The following RPS6KC1 variants were observed in gnomAD, a reference collection of about 807,000 sequenced individuals.
RPS6KC1 encodes the protein ribosomal protein S6 kinase C1.
A neutral mutation model predicts 103.8 loss-of-function variants in RPS6KC1; 54 were observed. The observed-to-expected ratio is 0.52, with a 90% CI of 0.42 to 0.65. The LOEUF is 0.65. RPS6KC1 is among the 30% of genes least tolerant of loss of function. The pLI is 0.00. For missense variants in RPS6KC1, 1,151 were observed against 1,253.8 expected (o/e 0.92, Z 1.24); for synonymous variants, 439 against 438.7 (o/e 1.00, Z -0.01).
the RPS6KC1 span, among the ~76,000 whole-genome samples, chr1:213,335,977 C>G: frequency 6.6e-6 from 1 of 152,104 alleles, no homozygotes; most frequent in Admixed American, 6.5e-5. Flanking sequence ...TTTTAGGAGA[C>G]TCCAATATGT....
the RPS6KC1 span, among the ~76,000 whole-genome samples, chr1:213,367,487 A>G: frequency 6.6e-6 from 1 of 152,210 alleles, no homozygotes; most frequent in Non-Finnish European, 1.5e-5. Context: ...GGTGATTGTG[A>G]CGTGAAATCA....
At chr1:213,244,303 G>A (rs148300460) in intron 12 of RPS6KC1, among the ~76,000 whole-genome samples, 60 of 152,078 alleles carry the variant, frequency 3.9e-4, no homozygotes, top group African/African-American at 1.3e-3. Context: ...GAATTTGGAA[G>A]TTTTAGAATC....
the RPS6KC1 span, among the ~76,000 whole-genome samples, chr1:213,286,758 T>A: frequency 1.3e-5 from 2 of 152,224 alleles, no homozygotes; most frequent in Non-Finnish European, 2.9e-5. Flanking sequence ...CATCAGTGGT[T>A]GGTAAGATCA....
chr1:213,647,029 C>A, the RPS6KC1 span, among the ~76,000 whole-genome samples: 2 of 152,174 alleles, frequency 1.3e-5, no homozygotes, highest in Non-Finnish European at 2.9e-5. Context: ...TCCCGAGTAG[C>A]TGGGATTACA....
chr1:213,413,769 G>A, the RPS6KC1 span, among the ~76,000 whole-genome samples: 1 of 152,170 alleles, frequency 6.6e-6, no homozygotes, highest in African/African-American at 2.4e-5. Context: ...ACACAGGTCA[G>A]CTCTATCAGT....
intron 8 of RPS6KC1, among the ~76,000 whole-genome samples, chr1:213,189,229 A>C (rs1195531388): frequency 6.6e-6 from 1 of 152,108 alleles, no homozygotes; most frequent in Non-Finnish European, 1.5e-5. Flanking sequence ...TGGGTGGATC[A>C]CTTGAGGTCA....
At chr1:213,670,999 G>A in the RPS6KC1 span, among the ~76,000 whole-genome samples, 2 of 152,168 alleles carry the variant, frequency 1.3e-5, no homozygotes, top group African/African-American at 4.8e-5. Flanking sequence ...TGGGGGATTT[G>A]CTCTGTGATC....
intron 8 of RPS6KC1, 109 bp from the exon 9 acceptor site, chr1:213,230,388 G>A (rs1299814185): frequency 9.2e-6 from 6 of 655,724 alleles, no homozygotes; most frequent in Admixed American, 3.3e-5. Context: ...AACAATTTTG[G>A]GGAGGGGATT....
the RPS6KC1 span, among the ~76,000 whole-genome samples, chr1:213,453,328 A>G: frequency 6.6e-6 from 1 of 152,162 alleles, no homozygotes; most frequent in Non-Finnish European, 1.5e-5. Flanking sequence ...AAAGATAATC[A>G]TGCCCACAGA....
intron 8 of RPS6KC1, among the ~76,000 whole-genome samples, chr1:213,229,532 T>C (rs1241801778): frequency 6.6e-6 from 1 of 152,238 alleles, no homozygotes; most frequent in Non-Finnish European, 1.5e-5. Flanking sequence ...TAACAGAGAC[T>C]GCATAGGCCT....
At chr1:213,613,357 A>G in the RPS6KC1 span, among the ~76,000 whole-genome samples, 2 of 152,318 alleles carry the variant, frequency 1.3e-5, no homozygotes, top group Middle Eastern at 3.4e-3. Flanking sequence ...ACCAGTCACG[A>G]TCTACCTCCT....
the RPS6KC1 span, among the ~76,000 whole-genome samples, chr1:213,523,574 T>A: frequency 6.6e-6 from 1 of 152,254 alleles, no homozygotes; most frequent in Non-Finnish European, 1.5e-5. Flanking sequence ...AGCTTAGCAC[T>A]GTGCCCAGAA....
chr1:213,085,031 G>A (rs779793826), intron 3 of RPS6KC1, among the ~76,000 whole-genome samples: 7 of 152,170 alleles, frequency 4.6e-5, no homozygotes, highest in Non-Finnish European at 7.4e-5. Flanking sequence ...ACTTGGTGGC[G>A]TAAAACAATG....
the RPS6KC1 span, among the ~76,000 whole-genome samples, chr1:213,689,857 A>G: frequency 2.6e-5 from 4 of 152,214 alleles, no homozygotes; most frequent in Non-Finnish European, 5.9e-5. Context: ...TGAAGAATGC[A>G]TCTGGGGATC....
intron 5 of RPS6KC1, among the ~76,000 whole-genome samples, chr1:213,124,542 TGTA>T (rs1185406689): frequency 6.6e-6 from 1 of 152,130 alleles, no homozygotes; most frequent in African/African-American, 2.4e-5. Context: ...TAAGTTGAAT[TGTA>T]GTGTGATTTC....
intron 4 of RPS6KC1, among the ~76,000 whole-genome samples, chr1:213,114,171 A>G (rs2083325047): frequency 6.6e-6 from 1 of 152,144 alleles, no homozygotes; most frequent in African/African-American, 2.4e-5. Flanking sequence ...TTTTCACGAT[A>G]TGGATTCTTC....
At chr1:213,334,192 G>T in the RPS6KC1 span, among the ~76,000 whole-genome samples, 1 of 152,278 alleles carries the variant, frequency 6.6e-6, no homozygotes, top group Admixed American at 6.5e-5. Flanking sequence ...TCACAACAGT[G>T]TCATAAAGTA....
chr1:213,852,733 C>G, the RPS6KC1 span, among the ~76,000 whole-genome samples: 5 of 152,130 alleles, frequency 3.3e-5, no homozygotes, highest in African/African-American at 1.2e-4. Context: ...TGAACACACA[C>G]AGAGAAAGGC....
the RPS6KC1 span, among the ~76,000 whole-genome samples, chr1:213,613,442 T>C: frequency 2.6e-5 from 4 of 152,196 alleles, no homozygotes; most frequent in Non-Finnish European, 5.9e-5. Flanking sequence ...TTAAGACACA[T>C]TGAGGCAAAA....
Sources: gnomAD v4.1 joint callset for allele counts (sites outside exome capture counted in the v4.1 genomes callset) on GRCh38, gnomAD v4.1.1 for gene constraint, MANE v1.5 for transcripts, NCBI Gene and HGNC (gene_info 2026-07-23, HGNC 2026-07-21) for gene names.